GRAMD1B: variants seen among roughly 807,000 people sequenced by gnomAD.
The protein encoded by GRAMD1B is protein Aster-B.
In GRAMD1B, 37 loss-of-function variants were observed where a neutral mutation model predicts 99.7. The ratio of observed to expected loss-of-function variants is 0.37; its 90% confidence interval spans 0.29 to 0.49. The LOEUF (loss-of-function observed/expected upper bound fraction) is 0.49. GRAMD1B is among the 20% of genes least tolerant of loss of function. GRAMD1B has a pLI of 0.98. For missense variants in GRAMD1B, 888 were observed against 1,009.2 expected (o/e 0.88, Z 1.63); for synonymous variants, 427 against 387.6 (o/e 1.10, Z -1.19).
At chr11:123,457,117 A>AGAAAGAAG in intron 1 of GRAMD1B, among the ~76,000 whole-genome samples, 1 of 99,436 alleles carries the variant, frequency 1.0e-5, no homozygotes, top group Admixed American at 1.2e-4. Context: ...TTCTGAGAAA[A>AGAAAGAAG]AAAGAAAGAA....
chr11:123,429,786 A>AT (rs1948783248), upstream of GRAMD1B, among the ~76,000 whole-genome samples: 1 of 152,076 alleles, frequency 6.6e-6, no homozygotes, highest in South Asian at 2.1e-4. This position sits in a 1 kb window ranked among gnomAD's most constrained non-coding sequence, Gnocchi z 4.0. Flanking sequence ...TCAGCTTGTC[A>AT]TTTTGGAAGC....
intron 2 of GRAMD1B, among the ~76,000 whole-genome samples, chr11:123,542,505 G>T (rs1489206784): frequency 6.6e-6 from 1 of 152,206 alleles, no homozygotes; most frequent in African/African-American, 2.4e-5. Flanking sequence ...GAGAGTTTGT[G>T]CTCTGGGAGA....
At chr11:123,595,205 C>T (rs554717826) in intron 6 of GRAMD1B, among the ~76,000 whole-genome samples, 88 of 151,796 alleles carry the variant, frequency 5.8e-4, no homozygotes, top group South Asian at 3.5e-3. Context: ...AACTAATCAG[C>T]GGTGTGATTT....
chr11:123,367,201 T>TCAAAAA (rs1401983449), intron 1 of GRAMD1B, among the ~76,000 whole-genome samples: 1 of 152,108 alleles, frequency 6.6e-6, no homozygotes, highest in African/African-American at 2.4e-5. Context: ...AGACCCTGTC[T>TCAAAAA]CAAAAACAAA....
At chr11:123,612,627 T>C in intron 14 of GRAMD1B, 134 bp from the exon 15 acceptor site, 1 of 697,580 alleles carries the variant, frequency 1.4e-6, no homozygotes, top group East Asian at 2.7e-5. Context: ...GAGATGGATG[T>C]GGAAGGACCT....
At chr11:123,485,554 G>T (rs190467555) in intron 2 of GRAMD1B, among the ~76,000 whole-genome samples, 1 of 152,146 alleles carries the variant, frequency 6.6e-6, no homozygotes, top group African/African-American at 2.4e-5. Context: ...TGCTGAGTGG[G>T]TGTGGCATCA....
intron 1 of GRAMD1B, among the ~76,000 whole-genome samples, chr11:123,434,510 G>A (rs552464287): frequency 6.6e-6 from 1 of 152,008 alleles, no homozygotes; most frequent in Middle Eastern, 3.2e-3. Flanking sequence ...AATTGGTGGC[G>A]GGGTGTGGTA....
intron 1 of GRAMD1B, among the ~76,000 whole-genome samples, chr11:123,480,408 A>T (rs573477293): frequency 6.8e-6 from 1 of 147,620 alleles, no homozygotes; most frequent in South Asian, 2.2e-4. Flanking sequence ...TCCCCACAAC[A>T]CCCCACCCAG....
Position 123,499,904 on chromosome 11 carries a change from C to T in GRAMD1B, c.452+19011C>T, listed in dbSNP as rs536239156. 2.0e-5 allele frequency among the ~76,000 whole-genome samples: 3 copies of T among 152,344 alleles called. No individual in the cohort carries two copies. In the South Asian group the frequency reaches 6.2e-4, roughly 32 times the overall value. On this transcript the variant is annotated intron_variant, in intron 2 of 19. Coordinates refer to ENST00000635736, the MANE Select transcript of GRAMD1B (RefSeq NM_001387025.1). ...CACTACACGCTTGCTGTGGGATCCA[C>T]AAGGGGAGCAATTTCTCCCACTCAT... is the stretch of plus-strand genomic sequence containing the variant.
chr11:123,528,748 A>G (rs1350603190), intron 2 of GRAMD1B, among the ~76,000 whole-genome samples: 3 of 152,030 alleles, frequency 2.0e-5, no homozygotes, highest in Non-Finnish European at 4.4e-5. Flanking sequence ...TTAGACTTTT[A>G]AAAGTGTGTA....
At chr11:123,417,134 G>A (rs1002875359) in intron 1 of GRAMD1B, among the ~76,000 whole-genome samples, 2 of 152,180 alleles carry the variant, frequency 1.3e-5, no homozygotes, top group African/African-American at 4.8e-5. Context: ...CAGCACTTTC[G>A]GAGGCCGAGA....
intron 1 of GRAMD1B, among the ~76,000 whole-genome samples, chr11:123,387,919 T>C (rs1471498275): frequency 6.7e-6 from 1 of 148,822 alleles, no homozygotes; most frequent in African/African-American, 2.5e-5. Context: ...AGGTCAGGAG[T>C]TCAAGACCAG....
At chr11:123,436,558 C>G (rs1328224983) in intron 1 of GRAMD1B, among the ~76,000 whole-genome samples, 2 of 152,172 alleles carry the variant, frequency 1.3e-5, no homozygotes, top group African/African-American at 4.8e-5. Context: ...AAAGTGAAGT[C>G]AATTCAATGA....
intron 1 of GRAMD1B, among the ~76,000 whole-genome samples, chr11:123,402,949 A>C (rs1947719614): frequency 6.8e-6 from 1 of 146,142 alleles, no homozygotes; most frequent in Admixed American, 6.8e-5. Flanking sequence ...GGGTATATAT[A>C]CCCAAAGGAT....
At chr11:123,595,397 G>A (rs527921450) in intron 6 of GRAMD1B, among the ~76,000 whole-genome samples, 24 of 152,044 alleles carry the variant, frequency 1.6e-4, no homozygotes, top group African/African-American at 4.8e-4. Context: ...GGGTTCAAGC[G>A]ATTCTCCTGC....
intron 2 of GRAMD1B, among the ~76,000 whole-genome samples, chr11:123,564,981 T>C (rs991794042): frequency 1.3e-5 from 2 of 152,198 alleles, no homozygotes; most frequent in Non-Finnish European, 2.9e-5. Flanking sequence ...TACTTAAGAG[T>C]TGACTGAGAT....
At chr11:123,545,770 A>G (rs779275812) in intron 2 of GRAMD1B, among the ~76,000 whole-genome samples, 10 of 151,990 alleles carry the variant, frequency 6.6e-5, no homozygotes, top group Non-Finnish European at 1.5e-4. Flanking sequence ...TGGTAAACTA[A>G]CTGGTCATCT....
At chr11:123,448,463 G>A (rs1404582031) in intron 1 of GRAMD1B, among the ~76,000 whole-genome samples, 1 of 151,928 alleles carries the variant, frequency 6.6e-6, no homozygotes, top group Non-Finnish European at 1.5e-5. Context: ...CAAGCAATTC[G>A]CCCGCCTTGG....
At chr11:123,372,464 T>A (rs562377019) in intron 1 of GRAMD1B, among the ~76,000 whole-genome samples, 1 of 152,304 alleles carries the variant, frequency 6.6e-6, no homozygotes, top group Admixed American at 6.5e-5. Context: ...CATCTCCTGA[T>A]ACAGAATTTA....
Sources: gnomAD v4.1 joint callset for allele counts (sites outside exome capture counted in the v4.1 genomes callset) on GRCh38, gnomAD v4.1.1 for gene constraint, Gnocchi (gnomAD v3.1) non-coding constraint, MANE v1.5 for transcripts, NCBI Gene and HGNC (gene_info 2026-07-23, HGNC 2026-07-21) for gene names.